CSNK1A1: variants seen among roughly 807,000 people sequenced by gnomAD.
CSNK1A1 encodes casein kinase 1 alpha 1.
In CSNK1A1, 7 loss-of-function variants were observed where a neutral mutation model predicts 46.1. The ratio of observed to expected loss-of-function variants is 0.15; its 90% CI spans 0.09 to 0.29. CSNK1A1 has a LOEUF of 0.29. Among genes scored for constraint, CSNK1A1 ranks in the 10% least tolerant of loss-of-function variants. The pLI, the probability that CSNK1A1 is intolerant of heterozygous loss-of-function variation, is 1.00. For missense variants in CSNK1A1, 96 were observed against 417.1 expected, an observed-to-expected ratio of 0.23 and a Z score of 6.71; for synonymous variants, 137 against 141.5, an observed-to-expected ratio of 0.97 and a Z score of 0.23.
At chr5:149,501,861 G>T in intron 9 of CSNK1A1, 2 of 972,810 alleles carry the variant, frequency 2.1e-6, no homozygotes, top group South Asian at 9.5e-5. Flanking sequence ...ATAGTCAAAG[G>T]GAGTGAAATA....
intron 9 of CSNK1A1, chr5:149,501,852 T>C (rs915734476): frequency 1.0e-6 from 1 of 973,516 alleles, no homozygotes; most frequent in Non-Finnish European, 1.2e-6. Context: ...TAATCACATA[T>C]AGTCAAAGGG....
At chr5:149,501,023 A>G in intron 9 of CSNK1A1, 1 of 985,318 alleles carries the variant, frequency 1.0e-6, no homozygotes, top group South Asian at 4.7e-5. Context: ...ACCTGTTTAT[A>G]ATTGATTCTT....
Position 149,494,647 on chromosome 5 carries a change from C to T in CSNK1A1, c.*2206G>A, listed in dbSNP as rs534651916. The T allele has an allele frequency of 6.6e-6, 1 of 152,192 alleles. No individual in the cohort carries two copies. Among genetic ancestry groups the T allele is most frequent in the Non-Finnish European group, 1.5e-5 (1 of 68,048 alleles). 9.4% of individuals were successfully genotyped at this position (152,192 alleles called of 1,614,324 possible). A position where few individuals can be genotyped will look rare whatever the true frequency, so the allele number is the denominator to read the frequency against. On this transcript the variant is annotated 3_prime_UTR_variant, in exon 10 of 10. Coordinates refer to ENST00000377843, the MANE Select transcript of CSNK1A1 (RefSeq NM_001892.6). The stretch of plus-strand genomic sequence containing the variant: ...GTAACAGCATTCACTGAATTTCACA[C>T]TCTTCTTTTGTGAACAGTGAAGAAA...
At chr5:149,545,420 G>A (rs1762447733) in intron 2 of CSNK1A1, 1 of 527,308 alleles carries the variant, frequency 1.9e-6, no homozygotes, top group Non-Finnish European at 3.4e-6. Context: ...AGAGCCTTTG[G>A]GAGGAGCCTG....
intron 3 of CSNK1A1, among the ~76,000 whole-genome samples, chr5:149,523,662 T>C (rs1294164321): frequency 1.3e-5 from 2 of 152,236 alleles, no homozygotes; most frequent in Non-Finnish European, 2.9e-5. Context: ...TTTCTAATCC[T>C]TGGAATTATA....
Position 149,493,579 on chromosome 5 carries a change from C to T in CSNK1A1, c.*3274G>A, listed in dbSNP as rs1481280584. On this transcript the variant is annotated 3_prime_UTR_variant, in exon 10 of 10. Coordinates refer to ENST00000377843, the MANE Select transcript of CSNK1A1 (RefSeq NM_001892.6). ...TGCATGGGCTGCTTAGATCAATTTA[C>T]ACTTGGTTCATCGCCATCTTTGGCT... 1.3e-5 allele frequency: 2 copies of T among 151,454 alleles called. No individual in the cohort carries two copies. The highest frequency in any genetic ancestry group is 1.9e-4 in the East Asian group (1 of 5,168). 9.4% of individuals were successfully genotyped at this position (151,454 alleles called of 1,614,324 possible). A position where few individuals can be genotyped will look rare whatever the true frequency, so the allele number is the denominator to read the frequency against.
In CSNK1A1 at chr5:149,542,938, G is replaced by A. The variant is rs564335863; in HGVS notation, c.230+7137C>T. On this transcript the variant is annotated intron_variant, in intron 2 of 9. Transcript: ENST00000377843. ...TCGAACTCCTGACCTCAGGTGATCC[G>A]CCCGTCTTGGCCTCCCAAAGTGCTG... Among the ~76,000 whole-genome samples the A allele has an allele frequency of 6.0e-5, 9 of 151,188 alleles. No individual in the cohort carries two copies. The East Asian group carries it at 1.6e-3, about 26-fold the overall frequency.
rs1225569023 is a variant in CSNK1A1 at position 149,550,728 on chromosome 5, C to G, written c.123+114G>C. On this transcript the variant is annotated intron_variant, in intron 1 of 9. Coordinates refer to ENST00000377843, the MANE Select transcript of CSNK1A1 (RefSeq NM_001892.6). The surrounding 1 kb of genome is among the most constrained non-coding windows in gnomAD (Gnocchi z 4.3). Reference sequence around the variant, plus strand: ...GCCAGGAAAACTAGCTCCCTGGACTCCCTGGCGAGTGCGTGCGATGAGGAG... The same window carrying G: ...GCCAGGAAAACTAGCTCCCTGGACTGCCTGGCGAGTGCGTGCGATGAGGAG... 27 of 1,448,968 alleles carry G rather than the reference C, an allele frequency of 1.9e-5. No homozygotes were observed. The highest frequency in any genetic ancestry group is 2.4e-5 in the Non-Finnish European group (26 of 1,063,096). The allele number at this position is 1,448,968 out of a possible 1,614,324, so 89.8% of individuals were successfully genotyped here.
chr5:149,525,026 T>C lies in CSNK1A1; in HGVS notation c.357+19A>G. On this transcript the variant is annotated intron_variant, in intron 3 of 9. Transcript: ENST00000377843. This position sits in a 1 kb window ranked among gnomAD's most constrained non-coding sequence, Gnocchi z 4.2. The stretch of plus-strand genomic sequence containing the variant: ...ACAGTACTAGTCTCAGTTTATATTC[T>C]AATCAAAATTTCACATACCTGGTCA... 11 of 1,599,136 alleles carry C rather than the reference T, an allele frequency of 6.9e-6. No individual in the cohort carries two copies. Among genetic ancestry groups the C allele is most frequent in the Non-Finnish European group, 9.4e-6 (11 of 1,173,336 alleles).
intron 9 of CSNK1A1, chr5:149,498,034 G>C (rs1037645907): frequency 2.4e-5 from 19 of 783,052 alleles, no homozygotes; most frequent in Non-Finnish European, 2.8e-5. Context: ...CAGTTTCACT[G>C]TGTTGGCCAG....
chr5:149,511,694 A>C, intron 6 of CSNK1A1, 100 bp downstream of exon 6: 1 of 815,888 alleles, frequency 1.2e-6, no homozygotes, highest in Non-Finnish European at 2.0e-6. Flanking sequence ...ATCTCAGAAA[A>C]ATCTCAGACT....
chr5:149,543,942 C>T (rs1762383378), intron 2 of CSNK1A1, among the ~76,000 whole-genome samples: 2 of 152,086 alleles, frequency 1.3e-5, no homozygotes, highest in African/African-American at 4.8e-5. Flanking sequence ...ATAGGAAAAA[C>T]AAGAAAGGAA....
chr5:149,505,370 A>C, intron 9 of CSNK1A1, 77 bp downstream of exon 9: 1 of 1,546,200 alleles, frequency 6.5e-7, no homozygotes, highest in Non-Finnish European at 8.7e-7. Flanking sequence ...TCCTTGATCT[A>C]ACACTGTTAG....
intron 9 of CSNK1A1, chr5:149,503,375 A>G (rs1760930805): frequency 1.0e-6 from 1 of 985,452 alleles, no homozygotes; most frequent in African/African-American, 1.7e-5. Context: ...GATGTTTTCA[A>G]GATGTCAAAG....
In CSNK1A1 at chr5:149,520,296, A is replaced by G. The variant is rs1385217927; in HGVS notation, c.450T>C (p.Cys150=). ...DNFLMGIGRH[C]NKLFLIDFGL... ...CAAAGAGCATTTGACTAACCTTATT[A>G]CAGTGACGCCCAATACCCATTAGGA... The change falls in exon 4 of 10, where the codon TGT becomes TGC. Residue 150 remains cysteine, a synonymous_variant. Coordinates refer to ENST00000377843, the MANE Select transcript of CSNK1A1 (RefSeq NM_001892.6). 1.9e-6 allele frequency: 3 copies of G among 1,594,592 alleles called. No individual in the cohort carries two copies. Among genetic ancestry groups the G allele is most frequent in the Non-Finnish European group, 2.6e-6 (3 of 1,163,664 alleles).
At chr5:149,506,266 C>T (rs1319224107) in intron 8 of CSNK1A1, among the ~76,000 whole-genome samples, 2 of 151,410 alleles carry the variant, frequency 1.3e-5, no homozygotes, top group African/African-American at 4.9e-5. Flanking sequence ...TGAGACAGAG[C>T]CTCATTGTCA....
At chr5:149,541,104 T>C (rs544200555) in intron 2 of CSNK1A1, among the ~76,000 whole-genome samples, 2 of 149,676 alleles carry the variant, frequency 1.3e-5, no homozygotes, top group African/African-American at 4.9e-5. Context: ...AAAATAAAAA[T>C]CCCACTAAAA....
At chr5:149,536,572 G>A (rs909521800) in intron 2 of CSNK1A1, among the ~76,000 whole-genome samples, 2 of 152,136 alleles carry the variant, frequency 1.3e-5, no homozygotes, top group African/African-American at 4.8e-5. Context: ...ACAGAAGAAA[G>A]GACACAATGC....
At chr5:149,528,402 A>G (rs909261562) in intron 2 of CSNK1A1, among the ~76,000 whole-genome samples, 2 of 152,220 alleles carry the variant, frequency 1.3e-5, no homozygotes, top group African/African-American at 4.8e-5. Flanking sequence ...CATCTTTCAC[A>G]CTTCCTTTGG....
Sources: gnomAD v4.1 joint callset for allele counts (sites outside exome capture counted in the v4.1 genomes callset) on GRCh38, gnomAD v4.1.1 for gene constraint, Gnocchi (gnomAD v3.1) non-coding constraint, MANE v1.5 for transcripts, NCBI Gene and HGNC (gene_info 2026-07-23, HGNC 2026-07-21) for gene names.